SEMA5A: variants seen among roughly 807,000 people sequenced by gnomAD.
SEMA5A encodes semaphorin 5A.
SEMA5A carries 55 observed loss-of-function variants against 135.5 expected under a neutral mutation model. The observed-to-expected ratio is 0.41, with a 90% CI of 0.33 to 0.51. SEMA5A has a LOEUF of 0.51. Ranked by LOEUF, SEMA5A falls within the 20% of genes least tolerant of loss-of-function variation. The probability of loss-of-function intolerance (pLI) is 0.37; values close to 1 mark genes in which losing one functional copy is unlikely to be tolerated. For missense variants in SEMA5A, 1,290 were observed against 1,419.9 expected, an observed-to-expected ratio of 0.91 and a Z score of 1.47; for synonymous variants, 580 against 546.5, an observed-to-expected ratio of 1.06 and a Z score of -0.85.
chr5:9,066,789 A>C, intron 16 of SEMA5A, 143 bp from the exon 17 acceptor site: 1 of 659,110 alleles, frequency 1.5e-6, no homozygotes, highest in South Asian at 1.9e-5. Flanking sequence ...AACTAAAAAC[A>C]CATTTATGTT....
chr5:9,232,432 A>ATG (rs1747680605), intron 6 of SEMA5A, among the ~76,000 whole-genome samples: 1 of 152,210 alleles, frequency 6.6e-6, no homozygotes, highest in Non-Finnish European at 1.5e-5. Context: ...AGTTGAACCC[A>ATG]CATCAACCTA....
At chr5:9,506,792 TC>T (rs1323548371) in intron 1 of SEMA5A, among the ~76,000 whole-genome samples, 34 of 152,110 alleles carry the variant, frequency 2.2e-4, no homozygotes. Context: ...CAACACCAAT[TC>T]CCATGGGTTC....
chr5:9,156,309 G>A (rs911262474), intron 11 of SEMA5A, among the ~76,000 whole-genome samples: 8 of 152,146 alleles, frequency 5.3e-5, no homozygotes, highest in Admixed American at 6.5e-5. Flanking sequence ...TCTGCCTGGG[G>A]TACAGCGAAG....
At chr5:9,303,368 G>A (rs372540589) in intron 5 of SEMA5A, among the ~76,000 whole-genome samples, 2 of 151,924 alleles carry the variant, frequency 1.3e-5, no homozygotes, top group Non-Finnish European at 1.5e-5. Flanking sequence ...CACCTGCCTC[G>A]GCCTCCCAAA....
At chr5:9,273,679 A>C (rs1467554213) in intron 5 of SEMA5A, among the ~76,000 whole-genome samples, 1 of 152,182 alleles carries the variant, frequency 6.6e-6, no homozygotes, top group Non-Finnish European at 1.5e-5. Context: ...AGTGGGGGCC[A>C]ATATTCAACA....
intron 5 of SEMA5A, among the ~76,000 whole-genome samples, chr5:9,276,168 C>G (rs1354271185): frequency 1.3e-5 from 2 of 151,894 alleles, no homozygotes; most frequent in South Asian, 2.1e-4. Context: ...ACACCAATAA[C>G]AGACAAACAG....
intron 1 of SEMA5A, among the ~76,000 whole-genome samples, chr5:9,441,607 T>A (rs1758237286): frequency 6.6e-6 from 1 of 151,762 alleles, no homozygotes; most frequent in Admixed American, 6.6e-5. Flanking sequence ...TGCAATGCCA[T>A]AAGAATCACA....
rs960014770 is a variant in SEMA5A, at chr5:9,513,315, T to C, written c.-175+32269A>G. On this transcript the variant is annotated intron_variant, in intron 1 of 22. Coordinates refer to ENST00000382496, the MANE Select transcript of SEMA5A (RefSeq NM_003966.3). ...GAAAAAGTAATAATCTAGCAAAGAA[T>C]CCTATCATTGGATTTCACCCAAAAA... is the stretch of plus-strand genomic sequence containing the variant. Among the ~76,000 whole-genome samples the C allele has an allele frequency of 1.1e-4, 16 of 152,184 alleles. 1 individual carries two copies. The highest frequency in any genetic ancestry group is 8.3e-4 in the South Asian group (4 of 4,832).
chr5:9,131,016 T>C (rs185249278), intron 13 of SEMA5A, among the ~76,000 whole-genome samples: 68 of 152,308 alleles, frequency 4.5e-4, no homozygotes, highest in African/African-American at 1.6e-3. Flanking sequence ...AACTACATAA[T>C]GGCATTGAGG....
chr5:9,327,731 A>G (rs187248181), intron 4 of SEMA5A, among the ~76,000 whole-genome samples: 1 of 152,318 alleles, frequency 6.6e-6, no homozygotes, highest in African/African-American at 2.4e-5. Flanking sequence ...GTTAATAATT[A>G]CACTAATAGT....
At chr5:9,393,554 A>T (rs923041609) in intron 2 of SEMA5A, among the ~76,000 whole-genome samples, 2 of 152,248 alleles carry the variant, frequency 1.3e-5, no homozygotes, top group African/African-American at 4.8e-5. Flanking sequence ...TGGAGATAAA[A>T]ACCATAGCTT....
intron 18 of SEMA5A, among the ~76,000 whole-genome samples, chr5:9,055,774 T>C (rs990916626): frequency 6.6e-6 from 1 of 152,162 alleles, no homozygotes; most frequent in Non-Finnish European, 1.5e-5. Context: ...CCCTAAAAGT[T>C]ATACGGTATA....
intron 3 of SEMA5A, among the ~76,000 whole-genome samples, chr5:9,340,339 A>G (rs574511618): frequency 6.6e-6 from 1 of 152,228 alleles, no homozygotes; most frequent in Non-Finnish European, 1.5e-5. Flanking sequence ...TGAGGGAAGA[A>G]CAGAGGGCCA....
chr5:9,055,202 T>C (rs1736823964), intron 18 of SEMA5A, among the ~76,000 whole-genome samples: 1 of 152,218 alleles, frequency 6.6e-6, no homozygotes, highest in South Asian at 2.1e-4. Context: ...CAATGTCAAA[T>C]ATGATTTTCA....
chr5:9,353,378 GAA>G (rs1264716452), intron 3 of SEMA5A, among the ~76,000 whole-genome samples: 1 of 148,974 alleles, frequency 6.7e-6, no homozygotes, highest in African/African-American at 2.5e-5. Context: ...GAAAGGAAAG[GAA>G]AGGAAAGGAA....
At chr5:9,252,754 T>C (rs1451225685) in intron 5 of SEMA5A, among the ~76,000 whole-genome samples, 2 of 152,198 alleles carry the variant, frequency 1.3e-5, no homozygotes, top group African/African-American at 2.4e-5. Context: ...TCTTCCTTTA[T>C]GGTAAAAGAT....
intron 11 of SEMA5A, among the ~76,000 whole-genome samples, chr5:9,167,839 T>C (rs572239663): frequency 5.9e-5 from 9 of 152,280 alleles, no homozygotes; most frequent in African/African-American, 2.2e-4. Context: ...ATGACCACCG[T>C]CATGCTCTCG....
At chr5:9,449,387 G>A in intron 1 of SEMA5A, among the ~76,000 whole-genome samples, 1 of 152,000 alleles carries the variant, frequency 6.6e-6, no homozygotes, top group East Asian at 1.9e-4. Flanking sequence ...TGGATATATG[G>A]GGGGGAACAA....
chr5:9,529,891 T>A (rs1737346833), intron 1 of SEMA5A, among the ~76,000 whole-genome samples: 1 of 152,208 alleles, frequency 6.6e-6, no homozygotes, highest in African/African-American at 2.4e-5. Flanking sequence ...CCTTCTTTCA[T>A]CTTCCCTTGT....
Sources: gnomAD v4.1 joint callset for allele counts (sites outside exome capture counted in the v4.1 genomes callset) on GRCh38, gnomAD v4.1.1 for gene constraint, MANE v1.5 for transcripts, NCBI Gene and HGNC (gene_info 2026-07-23, HGNC 2026-07-21) for gene names.